ECHDC1: variants seen among roughly 807,000 people sequenced by gnomAD.
The protein encoded by ECHDC1 is ethylmalonyl-CoA decarboxylase 1, also known as ethylmalonyl-CoA decarboxylase.
A neutral mutation model predicts 29.7 loss-of-function variants in ECHDC1; 29 were observed. The ratio of observed to expected loss-of-function variants is 0.98; its 90% confidence interval spans 0.73 to 1.33. The LOEUF is 1.33. Among genes scored for constraint, ECHDC1 ranks in the 40% most tolerant of loss-of-function variants. The probability of loss-of-function intolerance (pLI) is 0.00; values close to 1 mark genes in which losing one functional copy is unlikely to be tolerated. For missense variants in ECHDC1, 328 were observed against 350.0 expected (o/e 0.94, Z 0.50); for synonymous variants, 126 against 123.1 (o/e 1.02, Z -0.15).
intron 1 of ECHDC1, among the ~76,000 whole-genome samples, chr6:127,334,558 A>C (rs1784266145): frequency 2.0e-5 from 3 of 152,148 alleles, no homozygotes; most frequent in Non-Finnish European, 4.4e-5. Flanking sequence ...GTAGCTGTCT[A>C]CCAAAAGGAT....
chr6:127,320,879 T>A (rs1198978849), intron 3 of ECHDC1, among the ~76,000 whole-genome samples: 1 of 151,938 alleles, frequency 6.6e-6, no homozygotes, highest in Admixed American at 6.5e-5. Context: ...CAACTTCTTA[T>A]GGGATCAGTT....
intron 5 of ECHDC1, 150 bp from the exon 6 acceptor site, chr6:127,290,427 T>C: frequency 1.3e-6 from 1 of 793,532 alleles, no homozygotes; most frequent in Non-Finnish European, 1.9e-6. Context: ...GGCTGTTTCA[T>C]CTAGAATTTA....
At position 127,314,861 on chromosome 6, in the gene ECHDC1, C is replaced by G; in HGVS notation, c.452G>C (p.Trp151Ser). The G allele has an allele frequency of 6.8e-6, 11 of 1,612,078 alleles. No individual in the cohort carries two copies. Among genetic ancestry groups the G allele is most frequent in the Non-Finnish European group, 9.3e-6 (11 of 1,179,014 alleles). ...AAATTCTGCTCCTCCACCCAATGCCCAACCTTGAACCAGCGCAACACTTAT... is the reference window on the plus strand; with the variant it reads ...AAATTCTGCTCCTCCACCCAATGCCGAACCTTGAACCAGCGCAACACTTAT... The part of the protein sequence containing the change: ...PLISVALVQG[W>S]ALGGGAEFTT... Residue 151 changes from tryptophan to serine, a missense_variant, in exon 5 of 6, where the codon TGG (tryptophan) becomes TCG (serine). By Grantham distance (177) the Trp-to-Ser change is radical. Transcript: ENST00000454859.
chr6:127,330,578 A>G (rs1384548609), intron 2 of ECHDC1, among the ~76,000 whole-genome samples: 1 of 152,198 alleles, frequency 6.6e-6, no homozygotes, highest in East Asian at 1.9e-4. Context: ...CCTTTTTATC[A>G]ATATCTGTAT....
At chr6:127,327,698 T>C (rs1783484164) in intron 2 of ECHDC1, among the ~76,000 whole-genome samples, 1 of 152,158 alleles carries the variant, frequency 6.6e-6, no homozygotes, top group Admixed American at 6.5e-5. Flanking sequence ...GTTAACAAAC[T>C]GTCCTCTGAG....
intron 5 of ECHDC1, among the ~76,000 whole-genome samples, chr6:127,296,597 A>T (rs1339158544): frequency 2.0e-5 from 3 of 152,234 alleles, no homozygotes; most frequent in South Asian, 4.1e-4. Flanking sequence ...GAAGAACTTT[A>T]AAAAATTGAA....
In ECHDC1 at chr6:127,290,058, T is replaced by C; in HGVS notation, c.717A>G (p.Ala239=). Residue 239 remains alanine, a synonymous_variant, in exon 6 of 6, where the codon GCA becomes GCG. Transcript: ENST00000454859. ...GGATGAATTGCTTTAGCCATTCTTG[T>C]GCCTCTTCTAGAGATTTAGTTTCAT... ...SSDETKSLEE[A]QEWLKQFIQG... 1 of 1,613,744 alleles carries C rather than the reference T, an allele frequency of 6.2e-7. No individual in the cohort carries two copies. The highest frequency in any genetic ancestry group is 8.5e-7 in the Non-Finnish European group (1 of 1,179,766).
intron 5 of ECHDC1, among the ~76,000 whole-genome samples, chr6:127,306,248 G>C (rs895693264): frequency 2.0e-5 from 3 of 152,098 alleles, no homozygotes; most frequent in Admixed American, 6.6e-5. Flanking sequence ...AATTAAGCAA[G>C]AGGATATGAC....
intron 4 of ECHDC1, chr6:127,315,700 G>A (rs191541235): frequency 1.0e-5 from 3 of 296,594 alleles, no homozygotes; most frequent in African/African-American, 2.2e-5. Flanking sequence ...GGAAAAGGAG[G>A]TGAATAGGGT....
At chr6:127,294,013 T>C (rs1417266349) in intron 5 of ECHDC1, among the ~76,000 whole-genome samples, 1 of 152,172 alleles carries the variant, frequency 6.6e-6, no homozygotes, top group African/African-American at 2.4e-5. Context: ...TGTATTCTAA[T>C]ACAGATATGG....
chr6:127,303,112 C>A (rs1035586075), intron 5 of ECHDC1, among the ~76,000 whole-genome samples: 4 of 151,882 alleles, frequency 2.6e-5, no homozygotes, highest in African/African-American at 7.3e-5. Context: ...TGAATTGAAA[C>A]CTGAGTCATA....
At chr6:127,320,648 A>C (rs990715141) in intron 3 of ECHDC1, among the ~76,000 whole-genome samples, 1 of 152,202 alleles carries the variant, frequency 6.6e-6, no homozygotes, top group African/African-American at 2.4e-5. Flanking sequence ...CTTATAGCCT[A>C]CAGGACATCT....
chr6:127,329,353 A>C (rs1783695187), intron 2 of ECHDC1, among the ~76,000 whole-genome samples: 1 of 122,004 alleles, frequency 8.2e-6, no homozygotes, highest in South Asian at 2.6e-4. Context: ...TTAGTTTTAT[A>C]TATTATGCAT....
chr6:127,310,875 T>C (rs979878055), intron 5 of ECHDC1, among the ~76,000 whole-genome samples: 3 of 152,108 alleles, frequency 2.0e-5, no homozygotes, highest in African/African-American at 7.2e-5. Flanking sequence ...AGCACCACTC[T>C]GATCAGTTAG....
Position 127,330,869 on chromosome 6 carries a change from C to T in ECHDC1, c.160G>A (p.Glu54Lys). 1 of 1,614,080 alleles carries T rather than the reference C, an allele frequency of 6.2e-7. No homozygotes were observed. Among genetic ancestry groups the T allele is most frequent in the South Asian group, 1.1e-5 (1 of 91,078 alleles). ...GTAAGAATGCCAATGCCATTGTCTT[C>T]CTTCTGAAGGTCAATGGATCCACCA... ...FPGGSIDLQKEDNGIGILTLN... is the reference protein window; with the variant it reads ...FPGGSIDLQKKDNGIGILTLN... Residue 54 changes from glutamate to lysine, a missense_variant, in exon 2 of 6, where the codon GAA becomes AAA. Physicochemically the swap from Glu to Lys is moderately conservative, Grantham distance 56. Transcript: ENST00000454859.
chr6:127,338,228 A>T (rs1017818333), intron 1 of ECHDC1, among the ~76,000 whole-genome samples: 2 of 152,186 alleles, frequency 1.3e-5, no homozygotes, highest in Non-Finnish European at 2.9e-5. Flanking sequence ...CCTATTAGTG[A>T]TCACCCCATT....
chr6:127,296,111 T>C (rs1385173643), intron 5 of ECHDC1, among the ~76,000 whole-genome samples: 1 of 152,228 alleles, frequency 6.6e-6, no homozygotes, highest in Admixed American at 6.5e-5. Context: ...AACCTTGATA[T>C]ATGGAAAGGC....
At chr6:127,298,155 T>C (rs904652216) in intron 5 of ECHDC1, among the ~76,000 whole-genome samples, 14 of 152,342 alleles carry the variant, frequency 9.2e-5, no homozygotes, top group African/African-American at 3.1e-4. Context: ...TTAAAAATTG[T>C]TGGACCTGAA....
At chr6:127,296,707 T>G (rs1780628514) in intron 5 of ECHDC1, among the ~76,000 whole-genome samples, 1 of 152,110 alleles carries the variant, frequency 6.6e-6, no homozygotes, top group African/African-American at 2.4e-5. Flanking sequence ...GAAACTATAA[T>G]CAACTTCACT....
Sources: gnomAD v4.1 joint callset for allele counts (sites outside exome capture counted in the v4.1 genomes callset) on GRCh38, gnomAD v4.1.1 for gene constraint, MANE v1.5 for transcripts, NCBI Gene and HGNC (gene_info 2026-07-23, HGNC 2026-07-21) for gene names.